Variants in ZNF423 observed in about 807,000 individuals in gnomAD.
ZNF423 encodes the protein Ebf-associated zinc finger protein.
A neutral mutation model predicts 95.8 loss-of-function variants in ZNF423; 12 were observed. The ratio of observed to expected loss-of-function variants is 0.13; its 90% CI spans 0.08 to 0.20. The LOEUF (loss-of-function observed/expected upper bound fraction) is 0.20, where lower values mean the gene tolerates loss of function less well. Among genes scored for constraint, ZNF423 ranks in the 10% least tolerant of loss-of-function variants. The pLI, the probability that ZNF423 is intolerant of heterozygous loss-of-function variation, is 1.00. For synonymous variants in ZNF423, 749 were observed against 711.9 expected (o/e 1.05, Z -0.83); for missense variants, 1,316 against 1,737.1 (o/e 0.76, Z 4.31).
chr16:49,810,051 C>A (rs2143952728), intron 1 of ZNF423, among the ~76,000 whole-genome samples: 1 of 152,260 alleles, frequency 6.6e-6, no homozygotes, highest in East Asian at 1.9e-4. Flanking sequence ...CACTCTTTGG[C>A]CTGGGGATAT....
At chr16:49,772,961 G>T (rs1352156780) in intron 2 of ZNF423, among the ~76,000 whole-genome samples, 2 of 152,220 alleles carry the variant, frequency 1.3e-5, no homozygotes, top group African/African-American at 4.8e-5. Flanking sequence ...AGGAGAAGCA[G>T]GCACCTTCTT....
In ZNF423 at chr16:49,709,168, T is replaced by TTA. The variant is rs534895949; in HGVS notation, c.301+21601_301+21602dup. ...AAAAACTCAAACGTTCAGCAGCCGT[T>TTA]TATATATATATATATGAAAACGGAG... is the stretch of plus-strand genomic sequence containing the variant. On this transcript the variant is annotated intron_variant, in intron 3 of 7. Coordinates refer to ENST00000563137, the MANE Select transcript of ZNF423 (RefSeq NM_001379286.1). Among the ~76,000 whole-genome samples the TTA allele has an allele frequency of 6.0e-4, 56 of 93,304 alleles. 3 individuals are homozygous for TTA. The highest frequency in any genetic ancestry group is 5.3e-3 in the Middle Eastern group (1 of 188). 61.2% of individuals were successfully genotyped at this position (93,304 alleles called of 152,430 possible). A position where few individuals can be genotyped will look rare whatever the true frequency, so the allele number is the denominator to read the frequency against.
intron 7 of ZNF423, chr16:49,518,040 A>G: frequency 2.2e-6 from 1 of 452,222 alleles, no homozygotes; most frequent in South Asian, 1.6e-5. Flanking sequence ...TGGTGATGAT[A>G]TTGGCGGCTC....
intron 5 of ZNF423, among the ~76,000 whole-genome samples, chr16:49,582,287 T>C (rs900729036): frequency 5.3e-5 from 8 of 152,194 alleles, no homozygotes; most frequent in African/African-American, 1.9e-4. Context: ...ATTGCAGACA[T>C]TGATCAAACT....
At chr16:49,788,016 G>T (rs1336086068) in intron 2 of ZNF423, among the ~76,000 whole-genome samples, 4 of 152,346 alleles carry the variant, frequency 2.6e-5, no homozygotes, top group Middle Eastern at 3.4e-3. Context: ...CACAGAAGGA[G>T]ACACACGGGG....
intron 3 of ZNF423, among the ~76,000 whole-genome samples, chr16:49,640,533 G>C (rs1043861116): frequency 2.0e-5 from 3 of 152,130 alleles, no homozygotes; most frequent in Non-Finnish European, 4.4e-5. Flanking sequence ...GGCTGATTGG[G>C]GGGTCTTGAG....
rs1281335698 is a variant in ZNF423 at position 49,689,272 on chromosome 16, T to G, written c.301+41499A>C. On this transcript the variant is annotated intron_variant, in intron 3 of 7. Coordinates refer to ENST00000563137, the MANE Select transcript of ZNF423 (RefSeq NM_001379286.1). ...GCCTGGGCAACATGGCAAGACCCCA[T>G]CTCTACAAAAAAAAAAAAAAAGATG... Among the ~76,000 whole-genome samples the G allele has an allele frequency of 4.7e-4, 11 of 23,430 alleles. No individual in the cohort carries two copies. In the Admixed American group the frequency reaches 7.5e-3, roughly 16 times the overall value. 15.4% of individuals were successfully genotyped at this position (23,430 alleles called of 152,430 possible). A position where few individuals can be genotyped will look rare whatever the true frequency, so the allele number is the denominator to read the frequency against.
intron 5 of ZNF423, among the ~76,000 whole-genome samples, chr16:49,530,108 G>C (rs1312511244): frequency 6.6e-6 from 1 of 152,184 alleles, no homozygotes; most frequent in Admixed American, 6.5e-5. Context: ...GTGTGGACTG[G>C]AGTAAGTTAC....
intron 2 of ZNF423, among the ~76,000 whole-genome samples, chr16:49,782,147 C>G (rs1004865609): frequency 6.6e-6 from 1 of 152,254 alleles, no homozygotes; most frequent in African/African-American, 2.4e-5. Flanking sequence ...TCAGACTCTT[C>G]TACCTGACCC....
chr16:49,677,170 A>G (rs2031088239), intron 3 of ZNF423, among the ~76,000 whole-genome samples: 1 of 148,568 alleles, frequency 6.7e-6, no homozygotes. Context: ...GTGAGTCATC[A>G]TCACGCCACT....
Position 49,577,111 on chromosome 16 carries a change from C to T in ZNF423, c.3601+49059G>A, listed in dbSNP as rs185985081. Among the ~76,000 whole-genome samples the T allele has an allele frequency of 1.3e-3, 200 of 152,266 alleles. 4 individuals are homozygous for T. The highest frequency in any genetic ancestry group is 8.4e-3 in the Admixed American group (129 of 15,296). Reference sequence around the variant, plus strand: ...TGGGTGTCCAACCACCCAGGGCAGACAATGGAAGACCTGGGGTCAGGCCAG... The same window carrying T: ...TGGGTGTCCAACCACCCAGGGCAGATAATGGAAGACCTGGGGTCAGGCCAG... On this transcript the variant is annotated intron_variant, in intron 5 of 7. Coordinates refer to ENST00000563137, the MANE Select transcript of ZNF423 (RefSeq NM_001379286.1).
chr16:49,817,830 T>C (rs994153199), intron 1 of ZNF423, among the ~76,000 whole-genome samples: 1 of 151,490 alleles, frequency 6.6e-6, no homozygotes, highest in Non-Finnish European at 1.5e-5. Context: ...CAAGGTGTGG[T>C]TAGCTCCATT....
At chr16:49,545,582 G>A (rs1355254943) in intron 5 of ZNF423, among the ~76,000 whole-genome samples, 1 of 152,218 alleles carries the variant, frequency 6.6e-6, no homozygotes, top group African/African-American at 2.4e-5. Flanking sequence ...ACCCCAGACT[G>A]CAGTGGTAGC....
intron 7 of ZNF423, among the ~76,000 whole-genome samples, chr16:49,522,175 G>T (rs1402847948): frequency 6.6e-6 from 1 of 152,186 alleles, no homozygotes; most frequent in Non-Finnish European, 1.5e-5. Context: ...GGTCCCCCCT[G>T]GAGGGCCAAA....
At chr16:49,534,401 A>C (rs1567450144) in intron 5 of ZNF423, among the ~76,000 whole-genome samples, 1 of 152,178 alleles carries the variant, frequency 6.6e-6, no homozygotes, top group Non-Finnish European at 1.5e-5. Context: ...CTACAGGCGC[A>C]CACCACCACA....
chr16:49,851,757 T>C (rs755831048), intron 1 of ZNF423, among the ~76,000 whole-genome samples: 4 of 151,742 alleles, frequency 2.6e-5, no homozygotes, highest in African/African-American at 4.9e-5. Context: ...CACATAGTTA[T>C]CTTATTTTAT....
rs558631413 is a variant in ZNF423, at chr16:49,655,002, C to T, written c.302-16128G>A. On this transcript the variant is annotated intron_variant, in intron 3 of 7. Coordinates refer to ENST00000563137, the MANE Select transcript of ZNF423 (RefSeq NM_001379286.1). Reference sequence around the variant, plus strand: ...TTAAGTAAATTAATTAATTTAACCACAAAAGAGCCAGCAAAGACAAATACT... The same window carrying T: ...TTAAGTAAATTAATTAATTTAACCATAAAAGAGCCAGCAAAGACAAATACT... Among the ~76,000 whole-genome samples, 11 of 152,206 alleles carry T rather than the reference C, an allele frequency of 7.2e-5. No homozygotes were observed. The South Asian group carries it at 2.1e-3, about 29-fold the overall frequency.
intron 5 of ZNF423, among the ~76,000 whole-genome samples, chr16:49,528,922 C>T (rs568037845): frequency 2.0e-5 from 3 of 152,220 alleles, no homozygotes; most frequent in South Asian, 2.1e-4. Flanking sequence ...GACAACCTCT[C>T]GTTCCACCCC....
chr16:49,787,755 C>G (rs55906202), intron 2 of ZNF423, among the ~76,000 whole-genome samples: 1 of 152,162 alleles, frequency 6.6e-6, no homozygotes, highest in East Asian at 1.9e-4. Flanking sequence ...CCTCCTTGCA[C>G]GCCACTGCTG....
Sources: allele counts gnomAD v4.1 joint callset (sites outside exome capture counted in the v4.1 genomes callset), GRCh38; gene constraint gnomAD v4.1.1; transcripts MANE v1.5; gene names NCBI Gene and HGNC (gene_info 2026-07-23, HGNC 2026-07-21).